The following TTLL11 variants were observed in gnomAD, a reference collection of about 807,000 sequenced individuals.
The protein encoded by TTLL11 is tubulin tyrosine ligase like 11.
In TTLL11, 42 loss-of-function variants were observed where a neutral mutation model predicts 51.7. The observed-to-expected ratio is 0.81, with a 90% confidence interval of 0.64 to 1.05. The LOEUF (loss-of-function observed/expected upper bound fraction) is 1.05, where lower values mean the gene tolerates loss of function less well. TTLL11 is among the 50% of genes least tolerant of loss of function. The pLI, the probability that TTLL11 is intolerant of heterozygous loss-of-function variation, is 0.00. For synonymous variants in TTLL11, 381 were observed against 383.5 expected, an observed-to-expected ratio of 0.99 and a Z score of 0.08; for missense variants, 799 against 940.4, an observed-to-expected ratio of 0.85 and a Z score of 1.97.
intron 1 of TTLL11, among the ~76,000 whole-genome samples, chr9:122,061,403 A>T (rs1008753583): frequency 6.6e-6 from 1 of 152,170 alleles, no homozygotes. Context: ...AGTGCTTTCC[A>T]GTTTTTCCAT....
chr9:122,070,009 ACACG>A (rs1057373147), intron 1 of TTLL11, among the ~76,000 whole-genome samples: 2 of 151,594 alleles, frequency 1.3e-5, no homozygotes, highest in Non-Finnish European at 2.9e-5. Context: ...ACACACACAC[ACACG>A]CGCACACACA....
intron 1 of TTLL11, among the ~76,000 whole-genome samples, chr9:122,051,890 A>T (rs1293388621): frequency 6.6e-6 from 1 of 152,132 alleles, no homozygotes; most frequent in African/African-American, 2.4e-5. Context: ...CAACAGAGAG[A>T]CCTCGAGACC....
chr9:121,872,417 C>T (rs896024362), intron 6 of TTLL11, among the ~76,000 whole-genome samples: 1 of 152,220 alleles, frequency 6.6e-6, no homozygotes, highest in South Asian at 2.1e-4. Flanking sequence ...ACATCTGTTT[C>T]ATATAGAAAT....
At chr9:121,862,324 T>C (rs1426367257) in intron 7 of TTLL11, among the ~76,000 whole-genome samples, 3 of 152,192 alleles carry the variant, frequency 2.0e-5, no homozygotes, top group Non-Finnish European at 4.4e-5. Flanking sequence ...TTAAACCTTC[T>C]GTGCTTTTAT....
intron 8 of TTLL11, among the ~76,000 whole-genome samples, chr9:121,858,996 G>A (rs1837916247): frequency 6.6e-6 from 1 of 152,212 alleles, no homozygotes; most frequent in African/African-American, 2.4e-5. Flanking sequence ...CGTGGCGTGG[G>A]TGCCAGGGTG....
chr9:122,091,630 C>T (rs116688483), intron 1 of TTLL11, among the ~76,000 whole-genome samples: 2 of 152,162 alleles, frequency 1.3e-5, no homozygotes, highest in East Asian at 3.8e-4. Flanking sequence ...AAACCATTAC[C>T]GAGCATCTAC....
At chr9:122,048,320 C>A (rs564806579) in intron 1 of TTLL11, among the ~76,000 whole-genome samples, 8 of 152,094 alleles carry the variant, frequency 5.3e-5, no homozygotes, top group South Asian at 2.1e-4. Flanking sequence ...GCAAATGGCA[C>A]AGCACCTGAC....
intron 6 of TTLL11, among the ~76,000 whole-genome samples, chr9:121,891,261 G>A (rs373325591): frequency 5.3e-5 from 8 of 152,246 alleles, no homozygotes; most frequent in African/African-American, 1.9e-4. Flanking sequence ...TGAAAAACAC[G>A]AGCAACCTTG....
At chr9:121,917,287 G>C (rs1265764041) in intron 6 of TTLL11, among the ~76,000 whole-genome samples, 2 of 151,178 alleles carry the variant, frequency 1.3e-5, no homozygotes, top group Middle Eastern at 3.2e-3. Context: ...AGGCAATATA[G>C]CAAGATCTTA....
intron 6 of TTLL11, among the ~76,000 whole-genome samples, chr9:121,881,456 G>A (rs1248161969): frequency 6.6e-6 from 1 of 152,128 alleles, no homozygotes; most frequent in Non-Finnish European, 1.5e-5. Flanking sequence ...CATATCCCAG[G>A]TCAGATACTC....
chr9:121,893,661 G>A (rs1839343670), intron 6 of TTLL11, among the ~76,000 whole-genome samples: 1 of 152,052 alleles, frequency 6.6e-6, no homozygotes, highest in Admixed American at 6.5e-5. Flanking sequence ...CTCTACGTCT[G>A]CTATCCCATT....
chr9:122,020,702 G>C (rs1456156134), intron 3 of TTLL11, among the ~76,000 whole-genome samples: 2 of 152,222 alleles, frequency 1.3e-5, no homozygotes, highest in Non-Finnish European at 2.9e-5. Context: ...GGCAATTAGA[G>C]CATGGAGGTG....
intron 8 of TTLL11, among the ~76,000 whole-genome samples, chr9:121,848,384 T>C (rs922926314): frequency 2.6e-5 from 4 of 152,068 alleles, no homozygotes; most frequent in Non-Finnish European, 2.9e-5. Flanking sequence ...CTGTCCAACA[T>C]TGGACTAGAA....
At chr9:122,090,206 C>A (rs938574610) in intron 1 of TTLL11, among the ~76,000 whole-genome samples, 3 of 152,002 alleles carry the variant, frequency 2.0e-5, no homozygotes, top group African/African-American at 7.2e-5. Flanking sequence ...CTGGAAACTG[C>A]TGAATTAGCT....
intron 6 of TTLL11, among the ~76,000 whole-genome samples, chr9:121,873,364 A>G (rs1838425646): frequency 7.0e-6 from 1 of 143,136 alleles, no homozygotes; most frequent in African/African-American, 2.6e-5. Flanking sequence ...CTATTTTACT[A>G]CTGTAATTCT....
intron 8 of TTLL11, among the ~76,000 whole-genome samples, chr9:121,838,305 C>T (rs1294716846): frequency 1.3e-5 from 2 of 152,178 alleles, no homozygotes; most frequent in Non-Finnish European, 2.9e-5. Context: ...TAAACCTCTG[C>T]TCTCCTGCCC....
intron 8 of TTLL11, among the ~76,000 whole-genome samples, chr9:121,827,953 C>A (rs1288877282): frequency 6.6e-6 from 1 of 152,168 alleles, no homozygotes; most frequent in African/African-American, 2.4e-5. Context: ...TTTCCAGAGC[C>A]TCCACAATGG....
chr9:121,899,961 C>T (rs778928022), intron 6 of TTLL11, among the ~76,000 whole-genome samples: 1 of 152,204 alleles, frequency 6.6e-6, no homozygotes, highest in Non-Finnish European at 1.5e-5. Flanking sequence ...TAACCCTATG[C>T]AGTAGACACT....
chr9:122,023,095 A>G (rs1844225144), intron 3 of TTLL11, among the ~76,000 whole-genome samples: 2 of 151,998 alleles, frequency 1.3e-5, no homozygotes, highest in South Asian at 4.1e-4. Context: ...AAAATAAAAA[A>G]CACAGATTAC....
Sources: gnomAD v4.1 joint callset for allele counts (sites outside exome capture counted in the v4.1 genomes callset) on GRCh38, gnomAD v4.1.1 for gene constraint, MANE v1.5 for transcripts, NCBI Gene and HGNC (gene_info 2026-07-23, HGNC 2026-07-21) for gene names.